The following ALOX15B variants were observed in gnomAD, a reference collection of about 807,000 sequenced individuals.
The protein encoded by ALOX15B is polyunsaturated fatty acid lipoxygenase ALOX15B.
Under a neutral mutation model 73.8 loss-of-function variants are expected in ALOX15B, and 74 were observed. The observed-to-expected ratio is 1.00, with a 90% CI of 0.83 to 1.22. The LOEUF is 1.22. Among genes scored for constraint, ALOX15B ranks in the 50% most tolerant of loss-of-function variants. The pLI is 0.00. For synonymous variants in ALOX15B, 353 were observed against 357.2 expected, an observed-to-expected ratio of 0.99 and a Z score of 0.13; for missense variants, 896 against 859.9, an observed-to-expected ratio of 1.04 and a Z score of -0.52.
chr17:8,047,222 G>A (rs1349596516), intron 10 of ALOX15B, 36 bp from the exon 11 acceptor site: 1 of 1,613,598 alleles, frequency 6.2e-7, no homozygotes, highest in South Asian at 1.1e-5. Context: ...AGCGGGTCGG[G>A]GTTGGAGGCT....
At chr17:8,040,563 GAAGGAAGGAA>G (rs367686753) in intron 3 of ALOX15B, among the ~76,000 whole-genome samples, 2,850 of 136,170 alleles carry the variant, frequency 0.021, 173 homozygotes, top group African/African-American at 0.077. Context: ...AAAAAAAAAG[GAAGGAAGGAA>G]AAGGAAGGAA....
intron 5 of ALOX15B, among the ~76,000 whole-genome samples, chr17:8,044,423 CAAAAA>C (rs56146478): frequency 1.1e-5 from 1 of 93,730 alleles, no homozygotes; most frequent in Non-Finnish European, 2.0e-5. Flanking sequence ...CAGCCTGTCT[CAAAAA>C]AAAAAAAAAA....
In ALOX15B at chr17:8,048,451, C is replaced by T. The variant is rs1341671334; in HGVS notation, c.1917C>T (p.Thr639=). 1 of 1,614,118 alleles carries T rather than the reference C, an allele frequency of 6.2e-7. No individual in the cohort carries two copies. Among genetic ancestry groups the T allele is most frequent in the African/African-American group, 1.3e-5 (1 of 75,054 alleles). ...AGGCCCCTCGGCGGAGCATCGCCAC[C>T]TTCCAGAGCCGCCTGGCCCAGATCT... ...TEEAPRRSIA[T]FQSRLAQISR... is the part of the protein sequence containing the mutation. Residue 639 remains threonine, a synonymous_variant, in exon 14 of 14, where the codon ACC becomes ACT. Coordinates refer to ENST00000380183, the MANE Select transcript of ALOX15B (RefSeq NM_001141.3).
At chr17:8,044,137 A>AAGGAAGGAAGGG in intron 5 of ALOX15B, among the ~76,000 whole-genome samples, 1 of 148,672 alleles carries the variant, frequency 6.7e-6, no homozygotes, top group Non-Finnish European at 1.5e-5. Flanking sequence ...GGAAGGAAGG[A>AAGGAAGGAAGGG]AGGAAGGAAG....
chr17:8,047,826 G>T lies in ALOX15B; in HGVS notation c.1762G>T (p.Glu588Ter), dbSNP rs775561817. ...CACCTCCAAAGGCCTGGCAACATGC[G>T]AGGGCTTCATAGCCACCCTCCCACC... ...PPTSKGLATC[E>*]GFIATLPPVN... The change falls in exon 13 of 14, where the codon GAG becomes TAG. Residue 588 changes from glutamate to a stop codon, truncating the protein, a stop_gained. Transcript: ENST00000380183. LOFTEE classifies it high-confidence loss of function. 8.1e-6 allele frequency: 13 copies of T among 1,614,132 alleles called. No homozygotes were observed. The highest frequency in any genetic ancestry group is 1.1e-5 in the Non-Finnish European group (13 of 1,180,008).
intron 10 of ALOX15B, 44 bp downstream of exon 10, chr17:8,047,120 G>A: frequency 6.2e-7 from 1 of 1,611,454 alleles, no homozygotes; most frequent in Non-Finnish European, 8.5e-7. Context: ...TCGGGGACGT[G>A]GGAAGACAGG....
chr17:8,042,945 C>A, intron 5 of ALOX15B, 61 bp downstream of exon 5: 1 of 1,394,978 alleles, frequency 7.2e-7, no homozygotes, highest in Non-Finnish European at 9.9e-7. Context: ...CTGTGGCTGC[C>A]CAGAGTCTCA....
intron 4 of ALOX15B, 126 bp from the exon 5 acceptor site, chr17:8,042,655 C>G: frequency 7.5e-7 from 1 of 1,331,542 alleles, no homozygotes; most frequent in Non-Finnish European, 1.0e-6. Context: ...CAACAGCTAC[C>G]TTAGGGGTAG....
rs1340166311 is a variant in ALOX15B, at chr17:8,046,892, A to C, written c.1288-15A>C. ...TGGAGCAAGGTCTGTAGGACCCAAG[A>C]GTCCTGTCTCTCAGTCCACAGGCAT... On this transcript the variant is annotated splice_polypyrimidine_tract_variant and intron_variant, in intron 9 of 13. Transcript: ENST00000380183. 4.3e-6 allele frequency: 7 copies of C among 1,613,660 alleles called. No individual in the cohort carries two copies. The highest frequency in any genetic ancestry group is 5.9e-6 in the Non-Finnish European group (7 of 1,179,744).
rs570686113 is a variant in ALOX15B, at chr17:8,048,293, A to T, written c.1852-93A>T. ...TGGGGGCTAGGGCCAGAGCTGGCTA[A>T]GGCAAGTTGCAGCTGCTCAGATAGT... On this transcript the variant is annotated intron_variant, in intron 13 of 13. Transcript: ENST00000380183. 252 of 1,464,762 alleles carry T rather than the reference A, an allele frequency of 1.7e-4. No individual in the cohort carries two copies. In the African/African-American group the frequency reaches 3.3e-3, roughly 19 times the overall value. The allele number at this position is 1,464,762 out of a possible 1,614,324, so 90.7% of individuals were successfully genotyped here.
Position 8,042,410 on chromosome 17 carries a change from A to G in ALOX15B, c.491A>G (p.Glu164Gly). Reference protein sequence around the residue: ...YNPGWPHCLDEKTVEDLELNI... With the variant: ...YNPGWPHCLDGKTVEDLELNI... ...CCAGGTTGGCCTCACTGCCTGGATG[A>G]AAAGACAGTGGAAGACTTGGAGCTC... The change falls in exon 4 of 14, where the codon GAA becomes GGA. Residue 164 changes from glutamate to glycine, a missense_variant. Transcript: ENST00000380183. The G allele has an allele frequency of 6.2e-7, 1 of 1,614,146 alleles. No individual in the cohort carries two copies. Among genetic ancestry groups the G allele is most frequent in the Non-Finnish European group, 8.5e-7 (1 of 1,180,022 alleles).
intron 3 of ALOX15B, 44 bp downstream of exon 3, chr17:8,040,027 G>A: frequency 6.3e-7 from 1 of 1,578,068 alleles, no homozygotes; most frequent in Non-Finnish European, 8.7e-7. Context: ...CCCAAACGAT[G>A]AGGGGCAGCT....
intron 3 of ALOX15B, 118 bp from the exon 4 acceptor site, chr17:8,042,251 T>C: frequency 1.5e-6 from 2 of 1,325,454 alleles, no homozygotes; most frequent in South Asian, 1.5e-5. Flanking sequence ...AGGAGGGCCC[T>C]CTTGGCTGAA....
At chr17:8,042,626 C>A in intron 4 of ALOX15B, 135 bp downstream of exon 4, 1 of 1,394,924 alleles carries the variant, frequency 7.2e-7, no homozygotes, top group Admixed American at 2.0e-5. Flanking sequence ...GCCTCCTTCC[C>A]ACTACCAATC....
chr17:8,040,651 GAAAAGAAAGAGAA>G (rs1976437744), intron 3 of ALOX15B, among the ~76,000 whole-genome samples: 1 of 92,502 alleles, frequency 1.1e-5, no homozygotes. Flanking sequence ...AAGAAAGAAA[GAAAAGAAAGAGAA>G]AGAAACTGCT....
intron 3 of ALOX15B, among the ~76,000 whole-genome samples, chr17:8,040,321 G>T (rs1976402712): frequency 6.6e-6 from 1 of 152,002 alleles, no homozygotes; most frequent in African/African-American, 2.4e-5. Flanking sequence ...GAGGGAGGCG[G>T]ATCACTGGAG....
chr17:8,047,587 C>T lies in ALOX15B; in HGVS notation c.1603C>T (p.Arg535Trp), dbSNP rs756789626. The T allele has an allele frequency of 1.2e-5, 20 of 1,608,030 alleles. No individual in the cohort carries two copies. In the South Asian group the frequency reaches 1.3e-4, roughly 11 times the overall value. ...AGGTATACCCTCCTCACTGGAGACCCGGGAAGCCCTGGTGCAGTATGTCAC... is the reference window on the plus strand; with the variant it reads ...AGGTATACCCTCCTCACTGGAGACCTGGGAAGCCCTGGTGCAGTATGTCAC... ...SSGIPSSLET[R>W]EALVQYVTMV... The change falls in exon 12 of 14, where the codon CGG (arginine) becomes TGG (tryptophan). Residue 535 changes from arginine to tryptophan, a missense_variant. Physicochemically the swap from Arg to Trp is moderately radical, Grantham distance 101 (BLOSUM62 -3). Transcript: ENST00000380183.
chr17:8,045,812 C>T lies in ALOX15B; in HGVS notation c.1200+126C>T, dbSNP rs375807919. 6 of 1,055,110 alleles carry T rather than the reference C, an allele frequency of 5.7e-6. No individual in the cohort carries two copies. The African/African-American group carries it at 6.3e-5, about 11-fold the overall frequency. The allele number at this position is 1,055,110 out of a possible 1,614,324, so 65.4% of individuals were successfully genotyped here. On this transcript the variant is annotated intron_variant, in intron 8 of 13. Coordinates refer to ENST00000380183, the MANE Select transcript of ALOX15B (RefSeq NM_001141.3). ...GAGCCCCCGTCCGCTTCAGCAGCAT[C>T]TCCTGGCACAACTCCCCTGGAAGCC...
At chr17:8,044,696 G>T in intron 5 of ALOX15B, 133 bp from the exon 6 acceptor site, 1 of 742,498 alleles carries the variant, frequency 1.3e-6, no homozygotes, top group Non-Finnish European at 2.2e-6. Flanking sequence ...GGCAGGGGAG[G>T]TAACTCTGAG....
Sources: gnomAD v4.1 joint callset for allele counts (sites outside exome capture counted in the v4.1 genomes callset) on GRCh38, gnomAD v4.1.1 for gene constraint, MANE v1.5 for transcripts, NCBI Gene and HGNC (gene_info 2026-07-23, HGNC 2026-07-21) for gene names.